SV2C: variants seen among roughly 807,000 people sequenced by gnomAD.
SV2C encodes solute carrier family 22 member B3.
In SV2C, 49 loss-of-function variants were observed where a neutral mutation model predicts 79.7. The ratio of observed to expected loss-of-function variants is 0.61; its 90% CI spans 0.49 to 0.78. SV2C has a LOEUF of 0.78. SV2C is among the 30% of genes least tolerant of loss of function. SV2C has a pLI of 0.00. For synonymous variants in SV2C, 334 were observed against 333.2 expected, an observed-to-expected ratio of 1.00 and a Z score of -0.03; for missense variants, 833 against 912.9, an observed-to-expected ratio of 0.91 and a Z score of 1.13.
the SV2C span, among the ~76,000 whole-genome samples, chr5:76,032,619 T>C: frequency 2.7e-4 from 41 of 152,250 alleles, no homozygotes; most frequent in Non-Finnish European, 4.7e-4. Flanking sequence ...GGTGTATATA[T>C]GCCACATTTT....
intron 12 of SV2C, among the ~76,000 whole-genome samples, chr5:76,315,974 T>G (rs1748604336): frequency 6.6e-6 from 1 of 152,196 alleles, no homozygotes; most frequent in African/African-American, 2.4e-5. Flanking sequence ...GTCATATATG[T>G]GAAGGTGTTA....
Position 76,173,591 on chromosome 5 carries a change from C to T in SV2C, c.581-21328C>T, listed in dbSNP as rs376602284. 1.4e-5 allele frequency: 22 copies of T among 1,586,864 alleles called. No homozygotes were observed. The East Asian group carries it at 2.5e-4, about 18-fold the overall frequency. On this transcript the variant is annotated intron_variant, in intron 2 of 12. Transcript: ENST00000502798. Reference sequence around the variant, plus strand: ...GGCACTGTTGAATTGGGCAACAGTTCTTCAGACCTGGCTCAGAGCTACAAT... The same window carrying T: ...GGCACTGTTGAATTGGGCAACAGTTTTTCAGACCTGGCTCAGAGCTACAAT...
the SV2C span, among the ~76,000 whole-genome samples, chr5:75,979,750 C>CTAATTTATAGCTAAATGATGTGG: frequency 6.6e-6 from 1 of 152,054 alleles, no homozygotes; most frequent in African/African-American, 2.4e-5. Flanking sequence ...AAATTTATAG[C>CTAATTTATAGCTAAATGATGTGG]ACTAAATGTC....
At chr5:75,949,490 C>G in the SV2C span, among the ~76,000 whole-genome samples, 1 of 151,916 alleles carries the variant, frequency 6.6e-6, no homozygotes. Flanking sequence ...GTGTCCCCAC[C>G]CAAATCTCAC....
chr5:76,091,090 G>A (rs1289906011), intron 1 of SV2C, among the ~76,000 whole-genome samples: 1 of 152,150 alleles, frequency 6.6e-6, no homozygotes, highest in African/African-American at 2.4e-5. Context: ...CCATTGTCGT[G>A]TTTGCCCTCA....
the SV2C span, among the ~76,000 whole-genome samples, chr5:75,935,560 G>A: frequency 1.3e-5 from 2 of 152,230 alleles, no homozygotes; most frequent in Non-Finnish European, 2.9e-5. Context: ...GTATAATTAA[G>A]AGCATAATTA....
intron 1 of SV2C, among the ~76,000 whole-genome samples, chr5:76,084,833 G>A (rs1027388696): frequency 2.6e-5 from 4 of 151,988 alleles, no homozygotes; most frequent in African/African-American, 9.6e-5. Context: ...AGGGGGGCGG[G>A]AGGACTGCGG....
chr5:76,079,327 G>C (rs756752118), upstream of SV2C: 4 of 327,480 alleles, frequency 1.2e-5, no homozygotes, highest in Non-Finnish European at 1.9e-5. Flanking sequence ...CTATGGTAGA[G>C]ATTGACCAAA....
intron 1 of SV2C, among the ~76,000 whole-genome samples, chr5:76,097,404 A>C (rs1448143344): frequency 6.6e-6 from 1 of 152,178 alleles, no homozygotes; most frequent in African/African-American, 2.4e-5. Context: ...CACTGGTGAC[A>C]AACCTATTTG....
chr5:76,045,041 T>A, the SV2C span, among the ~76,000 whole-genome samples: 1 of 152,112 alleles, frequency 6.6e-6, no homozygotes, highest in African/African-American at 2.4e-5. Flanking sequence ...GGGTTATAGT[T>A]TTGTGTTTTA....
intron 12 of SV2C, among the ~76,000 whole-genome samples, chr5:76,312,739 C>T (rs1748492521): frequency 6.6e-6 from 1 of 152,196 alleles, no homozygotes. Flanking sequence ...CTTCCCTTTT[C>T]TTTCCCCCTT....
At chr5:76,201,241 T>G (rs907558309) in intron 3 of SV2C, among the ~76,000 whole-genome samples, 3 of 152,322 alleles carry the variant, frequency 2.0e-5, no homozygotes, top group African/African-American at 7.2e-5. Flanking sequence ...CCCTCTTTTG[T>G]TATAGAAAAT....
At chr5:76,191,559 A>G (rs1446896155) in intron 2 of SV2C, among the ~76,000 whole-genome samples, 1 of 152,236 alleles carries the variant, frequency 6.6e-6, no homozygotes, top group Non-Finnish European at 1.5e-5. Context: ...GTGTTGGGGG[A>G]AAAGACATGT....
the SV2C span, among the ~76,000 whole-genome samples, chr5:75,925,650 C>T: frequency 5.3e-5 from 8 of 151,934 alleles, no homozygotes; most frequent in South Asian, 2.1e-4. Context: ...CCAGGCTAAT[C>T]GCAGTATCAT....
chr5:76,122,007 G>A (rs1317650950), intron 1 of SV2C, among the ~76,000 whole-genome samples: 2 of 152,056 alleles, frequency 1.3e-5, no homozygotes, highest in Non-Finnish European at 2.9e-5. Flanking sequence ...CATGAGCATG[G>A]AATGTTCTTC....
the SV2C span, among the ~76,000 whole-genome samples, chr5:75,897,816 T>A: frequency 6.6e-6 from 1 of 152,068 alleles, no homozygotes; most frequent in Non-Finnish European, 1.5e-5. Context: ...AGGTATTTTA[T>A]TCTCTTTGAA....
the SV2C span, among the ~76,000 whole-genome samples, chr5:75,968,250 ACT>A: frequency 6.6e-6 from 1 of 152,132 alleles, no homozygotes; most frequent in Admixed American, 6.5e-5. Flanking sequence ...AAAACCGGAA[ACT>A]CTAAAAATCA....
At chr5:75,852,799 C>T in the SV2C span, among the ~76,000 whole-genome samples, 1 of 137,246 alleles carries the variant, frequency 7.3e-6, no homozygotes, top group Middle Eastern at 4.0e-3. Context: ...GCACTCCAGC[C>T]TGGGCGACAG....
chr5:76,073,537 ATAT>A, the SV2C span, among the ~76,000 whole-genome samples: 7 of 135,660 alleles, frequency 5.2e-5, no homozygotes, highest in African/African-American at 1.9e-4. Flanking sequence ...ATATATATAT[ATAT>A]ATATACACCA....
Sources: allele counts gnomAD v4.1 joint callset (sites outside exome capture counted in the v4.1 genomes callset), GRCh38; gene constraint gnomAD v4.1.1; transcripts MANE v1.5; gene names NCBI Gene and HGNC (gene_info 2026-07-23, HGNC 2026-07-21).